CLDN10: variants seen among roughly 807,000 people sequenced by gnomAD.
CLDN10 encodes the protein claudin-10.
A neutral mutation model predicts 22.9 loss-of-function variants in CLDN10; 15 were observed. The ratio of observed to expected loss-of-function variants is 0.65; its 90% CI spans 0.44 to 1.01. The LOEUF (loss-of-function observed/expected upper bound fraction) is 1.01. Among genes scored for constraint, CLDN10 ranks in the 50% least tolerant of loss-of-function variants. The pLI, the probability that CLDN10 is intolerant of heterozygous loss-of-function variation, is 0.00. For missense variants in CLDN10, 247 were observed against 287.8 expected, an observed-to-expected ratio of 0.86 and a Z score of 1.03; for synonymous variants, 114 against 111.4, an observed-to-expected ratio of 1.02 and a Z score of -0.15.
intron 1 of CLDN10, chr13:95,528,568 T>C (rs977335815): frequency 6.6e-6 from 1 of 152,242 alleles, no homozygotes; most frequent in African/African-American, 2.4e-5. Context: ...AGCAAAGAAC[T>C]GGATGGATGA....
At chr13:95,555,995 G>T (rs1400772967) in intron 1 of CLDN10, among the ~76,000 whole-genome samples, 1 of 151,986 alleles carries the variant, frequency 6.6e-6, no homozygotes, top group Non-Finnish European at 1.5e-5. Context: ...CCTATCTTGT[G>T]TTAGGTAGAA....
At chr13:95,457,387 C>T (rs950531969) in intron 1 of CLDN10, among the ~76,000 whole-genome samples, 1 of 152,180 alleles carries the variant, frequency 6.6e-6, no homozygotes, top group Non-Finnish European at 1.5e-5. Context: ...GATCCTCTTT[C>T]GTTGAGAAGC....
At chr13:95,543,589 A>G (rs2043480765) in intron 1 of CLDN10, among the ~76,000 whole-genome samples, 1 of 152,200 alleles carries the variant, frequency 6.6e-6, no homozygotes, top group Non-Finnish European at 1.5e-5. Context: ...TTATGAATTT[A>G]GGAAAATGCA....
chr13:95,562,707 A>G (rs2043731276), intron 3 of CLDN10, among the ~76,000 whole-genome samples: 1 of 152,224 alleles, frequency 6.6e-6, no homozygotes, highest in African/African-American at 2.4e-5. Flanking sequence ...TGTACTTCTC[A>G]TGGTTTATTT....
At chr13:95,557,613 T>C (rs774851084) in intron 1 of CLDN10, among the ~76,000 whole-genome samples, 1 of 152,200 alleles carries the variant, frequency 6.6e-6, no homozygotes, top group Non-Finnish European at 1.5e-5. Context: ...CTGCTGTTCA[T>C]GCTGGAGAAA....
intron 1 of CLDN10, among the ~76,000 whole-genome samples, chr13:95,555,419 T>C (rs1811804556): frequency 6.6e-6 from 1 of 152,188 alleles, no homozygotes; most frequent in Non-Finnish European, 1.5e-5. Flanking sequence ...TGGTCAAAAC[T>C]CACTGACCGT....
At chr13:95,450,764 T>C (rs1024162825) in intron 1 of CLDN10, among the ~76,000 whole-genome samples, 1 of 152,244 alleles carries the variant, frequency 6.6e-6, no homozygotes, top group Non-Finnish European at 1.5e-5. Flanking sequence ...ATCGTCTACC[T>C]GGGCTCAGCA....
At chr13:95,457,781 A>G (rs1210299319) in intron 1 of CLDN10, among the ~76,000 whole-genome samples, 1 of 152,104 alleles carries the variant, frequency 6.6e-6, no homozygotes, top group Non-Finnish European at 1.5e-5. Context: ...ACTCTCTTGA[A>G]GACCCTCTAG....
chr13:95,556,684 G>A (rs866097288), intron 1 of CLDN10, among the ~76,000 whole-genome samples: 11 of 152,166 alleles, frequency 7.2e-5, no homozygotes, highest in South Asian at 4.1e-4. Context: ...AGCACCAGAG[G>A]TGAAACTCAG....
chr13:95,444,283 C>T (rs1286422984), intron 1 of CLDN10, among the ~76,000 whole-genome samples: 1 of 152,206 alleles, frequency 6.6e-6, no homozygotes, highest in Non-Finnish European at 1.5e-5. Flanking sequence ...ATAGAAAGCG[C>T]CACTGCTCCT....
At position 95,578,906 on chromosome 13, in the gene CLDN10, TC is replaced by T. The variant is rs1367362754; in HGVS notation, c.*894del. On this transcript the variant is annotated 3_prime_UTR_variant, in exon 5 of 5. Coordinates refer to ENST00000299339, the MANE Select transcript of CLDN10 (RefSeq NM_006984.5). ...ATATTATTGCCTGTCATGTGGCACA[TC>T]CATGTTAAGGGGCTGAGGCGTCCCT... is the stretch of plus-strand genomic sequence containing the variant. 1 of 152,174 alleles carries T rather than the reference TC, an allele frequency of 6.6e-6. No homozygotes were observed. The highest frequency in any genetic ancestry group is 2.4e-5 in the African/African-American group (1 of 41,416). 9.4% of individuals were successfully genotyped at this position (152,174 alleles called of 1,614,324 possible). A position where few individuals can be genotyped will look rare whatever the true frequency, so the allele number is the denominator to read the frequency against.
chr13:95,531,674 C>T (rs144321015), intron 1 of CLDN10, among the ~76,000 whole-genome samples: 3 of 151,650 alleles, frequency 2.0e-5, no homozygotes, highest in East Asian at 1.9e-4. Context: ...AGACTACAGG[C>T]GCCCACCACC....
At chr13:95,490,157 C>T (rs2042856203) in intron 1 of CLDN10, among the ~76,000 whole-genome samples, 1 of 152,098 alleles carries the variant, frequency 6.6e-6, no homozygotes, top group South Asian at 2.1e-4. Context: ...AGTGTGATGC[C>T]TCTGGATTTG....
intron 1 of CLDN10, among the ~76,000 whole-genome samples, chr13:95,531,830 C>G (rs768220175): frequency 6.6e-6 from 1 of 151,948 alleles, no homozygotes; most frequent in Admixed American, 6.6e-5. Flanking sequence ...CCACCGCTCC[C>G]GGCTAGTATT....
chr13:95,526,521 C>T (rs1026217959), intron 1 of CLDN10, among the ~76,000 whole-genome samples: 2 of 152,098 alleles, frequency 1.3e-5, no homozygotes, highest in East Asian at 3.9e-4. Context: ...CTCTTGTATA[C>T]GGAGTTTAGG....
At chr13:95,467,169 G>A (rs542318168) in intron 1 of CLDN10, among the ~76,000 whole-genome samples, 16 of 150,718 alleles carry the variant, frequency 1.1e-4, no homozygotes, top group South Asian at 2.1e-4. Flanking sequence ...GAGCCACCGC[G>A]CCCAGCCACC....
chr13:95,475,438 A>G (rs954353240), intron 1 of CLDN10, among the ~76,000 whole-genome samples: 1 of 152,174 alleles, frequency 6.6e-6, no homozygotes. Context: ...TGCAACCACC[A>G]TCAGATGCCC....
At chr13:95,460,117 A>G (rs535898242) in intron 1 of CLDN10, among the ~76,000 whole-genome samples, 113 of 152,252 alleles carry the variant, frequency 7.4e-4, no homozygotes, top group African/African-American at 2.7e-3. Context: ...AAAGATCCTC[A>G]TCTCCATCTG....
chr13:95,508,791 C>T (rs1041397115), intron 1 of CLDN10, among the ~76,000 whole-genome samples: 3 of 152,122 alleles, frequency 2.0e-5, no homozygotes, highest in Non-Finnish European at 2.9e-5. Flanking sequence ...TTGGAGGAGC[C>T]GGGTAGTCTG....
Sources: gnomAD v4.1 joint callset for allele counts (sites outside exome capture counted in the v4.1 genomes callset) on GRCh38, gnomAD v4.1.1 for gene constraint, MANE v1.5 for transcripts, NCBI Gene and HGNC (gene_info 2026-07-23, HGNC 2026-07-21) for gene names.